PTPRT: variants seen among roughly 807,000 people sequenced by gnomAD.
PTPRT encodes the protein protein tyrosine phosphatase receptor type T.
In PTPRT, 56 loss-of-function variants were observed where a neutral mutation model predicts 176.8. The observed-to-expected ratio is 0.32, with a 90% CI of 0.26 to 0.40. The LOEUF (loss-of-function observed/expected upper bound fraction) is 0.40. Ranked by LOEUF, PTPRT falls within the 10% of genes least tolerant of loss-of-function variation. PTPRT has a pLI of 1.00. For synonymous variants in PTPRT, 783 were observed against 739.0 expected (o/e 1.06, Z -0.96); for missense variants, 1,540 against 1,908.2 (o/e 0.81, Z 3.60).
intron 7 of PTPRT, among the ~76,000 whole-genome samples, chr20:42,592,773 GGC>G: frequency 6.6e-6 from 1 of 152,242 alleles, no homozygotes; most frequent in Admixed American, 6.5e-5. Flanking sequence ...TCCATCATGA[GGC>G]CTCTGAGGAC....
rs142963728 is a variant in PTPRT, at chr20:43,078,448, T to A, written c.88+111198A>T. Reference sequence around the variant, plus strand: ...TGATTTTTTTTCTCTAATATTTCTCTCTCATCCCTTGCACCCAGAAAACTG... The same window carrying A: ...TGATTTTTTTTCTCTAATATTTCTCACTCATCCCTTGCACCCAGAAAACTG... On this transcript the variant is annotated intron_variant, in intron 1 of 30. Transcript: ENST00000373187. Among the ~76,000 whole-genome samples the A allele has an allele frequency of 7.0e-3, 1,063 of 152,300 alleles. 11 individuals are homozygous for A. The highest frequency in any genetic ancestry group is 0.024 in the African/African-American group (1,012 of 41,574).
At chr20:42,308,823 A>G (rs1480990148) in intron 12 of PTPRT, among the ~76,000 whole-genome samples, 1 of 152,234 alleles carries the variant, frequency 6.6e-6, no homozygotes, top group East Asian at 1.9e-4. Context: ...GTGGTTGGAC[A>G]CAAGTGAATA....
chr20:42,896,092 T>TTCA lies in PTPRT; in HGVS notation c.89-10163_89-10161dup, dbSNP rs2079291454. On this transcript the variant is annotated intron_variant, in intron 1 of 30. Coordinates refer to ENST00000373187, the MANE Select transcript of PTPRT (RefSeq NM_007050.6). ...TAGCTCTTTAGATTTAATTAAACAC[T>TTCA]TCATCTACACTACAAGCTTGTGTTC... Among the ~76,000 whole-genome samples the TTCA allele has an allele frequency of 2.0e-5, 3 of 151,470 alleles. No homozygotes were observed. The South Asian group carries it at 6.3e-4, about 32-fold the overall frequency.
At chr20:42,212,416 C>CAA (rs34652089) in intron 15 of PTPRT, among the ~76,000 whole-genome samples, 98 of 90,544 alleles carry the variant, frequency 1.1e-3, no homozygotes, top group Non-Finnish European at 1.1e-3. Context: ...TCTTTTTTCT[C>CAA]AAAAAAAAAA....
intron 13 of PTPRT, among the ~76,000 whole-genome samples, chr20:42,254,447 A>G (rs1292216493): frequency 6.6e-6 from 1 of 152,190 alleles, no homozygotes; most frequent in African/African-American, 2.4e-5. Context: ...ACAATGTTCC[A>G]GAGATTATTG....
At chr20:42,044,933 C>T in the PTPRT span, among the ~76,000 whole-genome samples, 3 of 152,246 alleles carry the variant, frequency 2.0e-5, no homozygotes, top group South Asian at 2.1e-4. Flanking sequence ...TTCTAAAGGC[C>T]GCCTGCATTT....
intron 2 of PTPRT, among the ~76,000 whole-genome samples, chr20:42,845,517 T>C (rs892437830): frequency 1.3e-4 from 20 of 152,206 alleles, no homozygotes; most frequent in African/African-American, 4.8e-4. Context: ...CTGAGTTTTC[T>C]ACGAATGCTC....
At chr20:43,150,455 T>C (rs1326522810) in intron 1 of PTPRT, among the ~76,000 whole-genome samples, 1 of 151,962 alleles carries the variant, frequency 6.6e-6, no homozygotes, top group African/African-American at 2.4e-5. Flanking sequence ...CCACAGGGTC[T>C]TTTCTTTTTC....
At chr20:42,883,829 C>CCCATACACACACCCCTT (rs1568658668) in intron 2 of PTPRT, among the ~76,000 whole-genome samples, 8 of 15,752 alleles carry the variant, frequency 5.1e-4, no homozygotes, top group East Asian at 4.7e-3. Context: ...TGCACACACA[C>CCCATACACACACCCCTT]ACACCCCCAT....
chr20:42,744,620 G>C (rs974578655), intron 6 of PTPRT, among the ~76,000 whole-genome samples: 2 of 152,234 alleles, frequency 1.3e-5, no homozygotes, highest in South Asian at 4.2e-4. Flanking sequence ...AAACCCCAAG[G>C]CTTAGTAGCT....
intron 1 of PTPRT, among the ~76,000 whole-genome samples, chr20:43,155,459 T>C (rs970468961): frequency 1.3e-5 from 2 of 152,138 alleles, no homozygotes; most frequent in African/African-American, 4.8e-5. Context: ...CTCACTCATA[T>C]GTGGAATCTA....
intron 1 of PTPRT, among the ~76,000 whole-genome samples, chr20:43,143,123 T>C (rs1568809874): frequency 6.6e-6 from 1 of 152,152 alleles, no homozygotes; most frequent in Non-Finnish European, 1.5e-5. Context: ...AGGAACGGTG[T>C]TGATGAGCAG....
chr20:42,732,181 A>G (rs2076471808), intron 6 of PTPRT, among the ~76,000 whole-genome samples: 1 of 152,234 alleles, frequency 6.6e-6, no homozygotes, highest in South Asian at 2.1e-4. Flanking sequence ...AAAATTTAAA[A>G]TTCCATTCCT....
At chr20:42,391,529 C>T (rs1006335534) in intron 9 of PTPRT, among the ~76,000 whole-genome samples, 5 of 152,140 alleles carry the variant, frequency 3.3e-5, no homozygotes, top group Non-Finnish European at 7.3e-5. Context: ...CTGGACGACT[C>T]CCATCACAGA....
intron 6 of PTPRT, among the ~76,000 whole-genome samples, chr20:42,752,676 T>G (rs2076783615): frequency 6.6e-6 from 1 of 152,220 alleles, no homozygotes; most frequent in African/African-American, 2.4e-5. Context: ...TTCTCCCTTC[T>G]CTGAAAGAAG....
rs371053003 is a variant in PTPRT, at chr20:42,263,336, C to A, written c.2177-14514G>T. 1.6e-4 allele frequency among the ~76,000 whole-genome samples: 24 copies of A among 145,852 alleles called. 1 individual carries two copies. The highest frequency in any genetic ancestry group is 6.2e-4 in the African/African-American group (24 of 38,406). ...CTGGGCTCAAGCGATCTTCCCACCT[C>A]AGTTAGGGCCACAGGCATGCGCTGC... On this transcript the variant is annotated intron_variant, in intron 13 of 30. Transcript: ENST00000373187.
At chr20:43,042,605 A>G (rs1600669253) in intron 1 of PTPRT, among the ~76,000 whole-genome samples, 1 of 152,290 alleles carries the variant, frequency 6.6e-6, no homozygotes, top group African/African-American at 2.4e-5. Context: ...GCTGCCTCAG[A>G]ACAGAGAGCT....
chr20:42,524,928 C>A (rs893238810), intron 7 of PTPRT, among the ~76,000 whole-genome samples: 1 of 152,114 alleles, frequency 6.6e-6, no homozygotes, highest in African/African-American at 2.4e-5. Context: ...CATTTCCTAT[C>A]TAAATTATAT....
chr20:42,162,969 A>G (rs1600614585), intron 16 of PTPRT, among the ~76,000 whole-genome samples: 1 of 152,190 alleles, frequency 6.6e-6, no homozygotes, highest in Non-Finnish European at 1.5e-5. Flanking sequence ...TCCCAGTTTG[A>G]CTGACAATTT....
Sources: gnomAD v4.1 joint callset for allele counts (sites outside exome capture counted in the v4.1 genomes callset) on GRCh38, gnomAD v4.1.1 for gene constraint, MANE v1.5 for transcripts, NCBI Gene and HGNC (gene_info 2026-07-23, HGNC 2026-07-21) for gene names.